Variants in CFDP1 observed in about 807,000 individuals in gnomAD.
CFDP1 encodes the protein chromatin remodeling protein CFDP1.
Under a neutral mutation model 40.1 loss-of-function variants are expected in CFDP1, and 31 were observed. That is an observed-to-expected ratio of 0.77 (90% CI 0.58 to 1.04). The LOEUF (loss-of-function observed/expected upper bound fraction) is 1.04. Among genes scored for constraint, CFDP1 ranks in the 50% least tolerant of loss-of-function variants. The pLI is 0.00. For synonymous variants in CFDP1, 167 were observed against 120.0 expected, an observed-to-expected ratio of 1.39 and a Z score of -2.56; for missense variants, 423 against 343.4, an observed-to-expected ratio of 1.23 and a Z score of -1.83.
Position 75,305,189 on chromosome 16 carries a change from A to G in CFDP1, c.651-7T>C. The G allele has an allele frequency of 6.2e-7, 1 of 1,612,420 alleles. No homozygotes were observed. The highest frequency in any genetic ancestry group is 8.5e-7 in the Non-Finnish European group (1 of 1,179,458). On this transcript the variant is annotated splice_polypyrimidine_tract_variant and splice_region_variant and intron_variant, in intron 5 of 6. Coordinates refer to ENST00000283882, the MANE Select transcript of CFDP1 (RefSeq NM_006324.3). ...GCCACTTGATCTTTTTAACCTAAGG[A>G]AAGAAAATATGAAAGATGTAGCAGG...
intron 1 of CFDP1, among the ~76,000 whole-genome samples, chr16:75,416,032 T>C (rs1374730389): frequency 6.6e-6 from 1 of 152,082 alleles, no homozygotes; most frequent in Non-Finnish European, 1.5e-5. Flanking sequence ...TTTATACTTT[T>C]AGTAGAGATG....
At chr16:75,394,862 T>C in intron 5 of CFDP1, 1 of 408,760 alleles carries the variant, frequency 2.4e-6, no homozygotes, top group Non-Finnish European at 4.4e-6. Context: ...GGTCTTACTG[T>C]ATTGCCCAGG....
At chr16:75,336,409 G>C (rs370470292) in intron 5 of CFDP1, among the ~76,000 whole-genome samples, 6 of 152,234 alleles carry the variant, frequency 3.9e-5, no homozygotes, top group African/African-American at 1.4e-4. Flanking sequence ...TAGGGAGCAA[G>C]AACATTGTAA....
chr16:75,329,003 T>C (rs1474928270), intron 5 of CFDP1, among the ~76,000 whole-genome samples: 1 of 152,002 alleles, frequency 6.6e-6, no homozygotes, highest in Non-Finnish European at 1.5e-5. Context: ...TGCGCCACCA[T>C]GCCTGGCTAA....
chr16:75,404,979 TA>T (rs1783967897), intron 4 of CFDP1, among the ~76,000 whole-genome samples: 1 of 152,222 alleles, frequency 6.6e-6, no homozygotes, highest in Non-Finnish European at 1.5e-5. Context: ...ATCATTTGTA[TA>T]TAGTGCTATT....
At chr16:75,339,845 T>G (rs2078514416) in intron 5 of CFDP1, among the ~76,000 whole-genome samples, 1 of 152,196 alleles carries the variant, frequency 6.6e-6, no homozygotes, top group African/African-American at 2.4e-5. Flanking sequence ...GTTCTAGATA[T>G]GAACCACTAA....
intron 5 of CFDP1, among the ~76,000 whole-genome samples, chr16:75,364,863 T>C (rs2078703487): frequency 6.6e-6 from 1 of 152,132 alleles, no homozygotes; most frequent in Non-Finnish European, 1.5e-5. Flanking sequence ...TATAAAGAAG[T>C]CCTCAGACCA....
At chr16:75,312,324 T>A (rs2078297766) in intron 5 of CFDP1, among the ~76,000 whole-genome samples, 1 of 152,140 alleles carries the variant, frequency 6.6e-6, no homozygotes, top group African/African-American at 2.4e-5. Context: ...TGACAAGAAG[T>A]TCCAAAGATT....
intron 5 of CFDP1, among the ~76,000 whole-genome samples, chr16:75,386,806 T>C (rs573151311): frequency 6.6e-6 from 1 of 152,208 alleles, no homozygotes; most frequent in Non-Finnish European, 1.5e-5. Flanking sequence ...ATGACCCGAA[T>C]TGTCAGATAT....
chr16:75,315,152 G>A (rs1341985106), intron 5 of CFDP1, among the ~76,000 whole-genome samples: 1 of 151,852 alleles, frequency 6.6e-6, no homozygotes, highest in African/African-American at 2.4e-5. Context: ...TTCAGCCTGG[G>A]CGACATGGCA....
intron 6 of CFDP1, among the ~76,000 whole-genome samples, chr16:75,300,176 G>T (rs2078212432): frequency 6.6e-6 from 1 of 152,232 alleles, no homozygotes; most frequent in Non-Finnish European, 1.5e-5. Flanking sequence ...CCTGTACTGG[G>T]GTGGTGGTAG....
chr16:75,347,806 G>A (rs762218630), intron 5 of CFDP1, among the ~76,000 whole-genome samples: 4 of 152,192 alleles, frequency 2.6e-5, no homozygotes, highest in Non-Finnish European at 5.9e-5. Flanking sequence ...ACTGATATAT[G>A]AGAAAAGGAC....
intron 2 of CFDP1, among the ~76,000 whole-genome samples, chr16:75,414,027 T>C (rs2079184100): frequency 6.6e-6 from 1 of 152,190 alleles, no homozygotes; most frequent in African/African-American, 2.4e-5. Context: ...TTCTTTGTTG[T>C]AGTAAAGACT....
At chr16:75,410,603 C>G (rs902653777) in intron 4 of CFDP1, among the ~76,000 whole-genome samples, 2 of 151,416 alleles carry the variant, frequency 1.3e-5, no homozygotes, top group African/African-American at 4.9e-5. Flanking sequence ...GAAACCCTGT[C>G]TCTACTAAAA....
chr16:75,298,706 C>A (rs552348336), intron 6 of CFDP1, among the ~76,000 whole-genome samples: 13 of 152,156 alleles, frequency 8.5e-5, no homozygotes, highest in Non-Finnish European at 1.8e-4. Flanking sequence ...ACACCTCCCG[C>A]CTTCAGGAGG....
chr16:75,326,286 C>CACT (rs2078400458), intron 5 of CFDP1, among the ~76,000 whole-genome samples: 1 of 152,156 alleles, frequency 6.6e-6, no homozygotes, highest in African/African-American at 2.4e-5. Flanking sequence ...AAGTCATGTA[C>CACT]ACTACTACGT....
chr16:75,431,454 CAAAAAAAAAAAAAAA>C lies in CFDP1; in HGVS notation c.64+1820_64+1834del, dbSNP rs60902612. 5.0e-5 allele frequency among the ~76,000 whole-genome samples: 3 copies of C among 59,598 alleles called. No individual in the cohort carries two copies. In the East Asian group the frequency reaches 1.9e-3, roughly 37 times the overall value. The allele number at this position is 59,598 out of a possible 152,430, so 39.1% of individuals were successfully genotyped here. The stretch of plus-strand genomic sequence containing the variant: ...GGGAGACAGAGCAAAACTCTTGTCT[CAAAAAAAAAAAAAAA>C]AAAAAAAAGAAAAGAAAAGAAAATC... On this transcript the variant is annotated intron_variant, in intron 1 of 6. Transcript: ENST00000283882.
At chr16:75,312,063 A>G (rs2078296270) in intron 5 of CFDP1, among the ~76,000 whole-genome samples, 2 of 152,134 alleles carry the variant, frequency 1.3e-5, no homozygotes, top group Admixed American at 1.3e-4. Flanking sequence ...TCTCTTTCGC[A>G]TTTTCTCTGG....
At chr16:75,401,022 A>G (rs998086816) in intron 4 of CFDP1, among the ~76,000 whole-genome samples, 9 of 152,172 alleles carry the variant, frequency 5.9e-5, no homozygotes, top group Admixed American at 1.3e-4. Context: ...CCAGCTTGAC[A>G]CAGTGGCTCA....
Sources: gnomAD v4.1 joint callset for allele counts (sites outside exome capture counted in the v4.1 genomes callset) on GRCh38, gnomAD v4.1.1 for gene constraint, MANE v1.5 for transcripts, NCBI Gene and HGNC (gene_info 2026-07-23, HGNC 2026-07-21) for gene names.